TP53I13: variants seen among roughly 807,000 people sequenced by gnomAD.
The protein encoded by TP53I13 is tumor protein p53 inducible protein 13, also known as tumor protein p53-inducible protein 13.
A neutral mutation model predicts 39.1 loss-of-function variants in TP53I13; 27 were observed. The ratio of observed to expected loss-of-function variants is 0.69; its 90% CI spans 0.51 to 0.95. The LOEUF (loss-of-function observed/expected upper bound fraction) is 0.95, where lower values mean the gene tolerates loss of function less well. Among genes scored for constraint, TP53I13 ranks in the 40% least tolerant of loss-of-function variants. The pLI is 0.00. For missense variants in TP53I13, 544 were observed against 520.4 expected, an observed-to-expected ratio of 1.05 and a Z score of -0.44; for synonymous variants, 230 against 224.6, an observed-to-expected ratio of 1.02 and a Z score of -0.22.
Position 29,572,314 on chromosome 17 carries a change from G to C in TP53I13, c.686G>C (p.Ser229Thr), listed in dbSNP as rs143531588. The C allele has an allele frequency of 1.9e-6, 3 of 1,612,782 alleles. No homozygotes were observed. The African/African-American group carries it at 4.0e-5, about 21-fold the overall frequency. ...ALRFPSASPGSLKAKQSMAGI... is the reference protein window; with the variant it reads ...ALRFPSASPGTLKAKQSMAGI... The stretch of plus-strand genomic sequence containing the variant: ...AGGTTTCCCTCTGCTTCCCCAGGGA[G>C]CTTGAAGGCCAAGCAGTCCATGGCG... The change falls in exon 6 of 7, where the codon AGC becomes ACC. Residue 229 changes from serine to threonine, a missense_variant. Physicochemically the swap from Ser to Thr is moderately conservative, Grantham distance 58. Coordinates refer to ENST00000301057, the MANE Select transcript of TP53I13 (RefSeq NM_138349.4).
upstream of TP53I13, chr17:29,567,505 C>G (rs1453292502): frequency 2.6e-5 from 4 of 152,052 alleles, no homozygotes; most frequent in African/African-American, 7.2e-5. This position sits in a 1 kb window ranked among gnomAD's most constrained non-coding sequence, Gnocchi z 6.6. Flanking sequence ...TGCTCTCCCC[C>G]GCCCGGCCCC....
chr17:29,576,217 C>T (rs1283118332), downstream of TP53I13: 7 of 1,607,134 alleles, frequency 4.4e-6, no homozygotes, highest in Admixed American at 1.7e-5. Flanking sequence ...ATAGGTGACT[C>T]ACAGTGCTGT....
the TP53I13 span, chr17:29,581,657 C>A: frequency 9.8e-7 from 1 of 1,022,700 alleles, no homozygotes; most frequent in Non-Finnish European, 1.5e-6. This position sits in a 1 kb window ranked among gnomAD's most constrained non-coding sequence, Gnocchi z 4.8. Flanking sequence ...GTCACCATGG[C>A]ACCTGCTGCC....
rs2032819971 is a variant in TP53I13 at position 29,569,031 on chromosome 17, C to T, written c.86C>T (p.Pro29Leu). ...TTGGACCCACAGGTGATGGCTGGAC[C>T]GGCGGAGGAGGCGGGAGCCCATTGT... ...LLGPSEVMAG[P>L]AEEAGAHCPE... The change falls in exon 2 of 7, where the codon CCG (proline) becomes CTG (leucine). Residue 29 changes from proline (P) to leucine (L), a missense_variant. Coordinates refer to ENST00000301057, the MANE Select transcript of TP53I13 (RefSeq NM_138349.4). The T allele has an allele frequency of 2.5e-6, 4 of 1,609,192 alleles. No homozygotes were observed. Among genetic ancestry groups the T allele is most frequent in the Non-Finnish European group, 2.5e-6 (3 of 1,178,708 alleles).
downstream of TP53I13, chr17:29,577,582 CG>C: frequency 9.3e-7 from 1 of 1,076,006 alleles, no homozygotes; most frequent in East Asian, 2.4e-5. Flanking sequence ...AGCCCACTGC[CG>C]GATGAGGAGG....
At position 29,569,345 on chromosome 17, in the gene TP53I13, G is replaced by A. The variant is rs199950533; in HGVS notation, c.169G>A (p.Val57Met). The change falls in exon 3 of 7, where the codon GTG (valine) becomes ATG (methionine). Residue 57 changes from valine (V) to methionine (M), a missense_variant. Val to Met is a conservative substitution (Grantham distance 21, BLOSUM62 1). Transcript: ENST00000301057. Reference protein sequence around the residue: ...QVSPRVTYTRVSPGQAEDVTF... With the variant: ...QVSPRVTYTRMSPGQAEDVTF... Reference sequence around the variant, plus strand: ...GTCACCAAGAGTGACCTACACACGAGTGAGCCCAGGGCAGGTGAGTACAAG... The same window carrying A: ...GTCACCAAGAGTGACCTACACACGAATGAGCCCAGGGCAGGTGAGTACAAG... 193 of 1,613,856 alleles carry A rather than the reference G, an allele frequency of 1.2e-4. No individual in the cohort carries two copies. Among genetic ancestry groups the A allele is most frequent in the Non-Finnish European group, 1.6e-4 (187 of 1,179,898 alleles).
At chr17:29,566,817 C>T (rs1438732363), upstream of TP53I13, 7 of 1,515,368 alleles carry the variant, frequency 4.6e-6, no homozygotes, top group Middle Eastern at 2.0e-4. Flanking sequence ...CTCCGCCGTC[C>T]GCCTCCTCCC....
chr17:29,566,332 G>A (rs747097784), upstream of TP53I13: 15 of 1,611,308 alleles, frequency 9.3e-6, no homozygotes, highest in Non-Finnish European at 1.3e-5. Context: ...GAGGTCGGAC[G>A]GGTCCCCGAA....
the TP53I13 span, chr17:29,581,722 G>A: frequency 1.1e-5 from 17 of 1,592,980 alleles, no homozygotes; most frequent in Middle Eastern, 4.2e-4. This position sits in a 1 kb window ranked among gnomAD's most constrained non-coding sequence, Gnocchi z 4.8. Context: ...ACAGCCAGGC[G>A]CCCCCCAAGC....
At chr17:29,578,891 G>C in the TP53I13 span, 1 of 1,573,840 alleles carries the variant, frequency 6.4e-7, no homozygotes, top group Non-Finnish European at 8.7e-7. Context: ...TGGCACCCCA[G>C]ATGCTGCACA....
At chr17:29,566,621 C>A, upstream of TP53I13, 2 of 1,608,182 alleles carry the variant, frequency 1.2e-6, no homozygotes, top group Non-Finnish European at 1.7e-6. Context: ...CCAGGCGCTA[C>A]GGGCAGGACG....
At position 29,572,422 on chromosome 17, in the gene TP53I13, C is replaced by T; in HGVS notation, c.794C>T (p.Ser265Phe). The T allele has an allele frequency of 6.3e-7, 1 of 1,588,040 alleles. No homozygotes were observed. Among genetic ancestry groups the T allele is most frequent in the Non-Finnish European group, 8.6e-7 (1 of 1,163,728 alleles). The change falls in exon 6 of 7, where the codon TCC becomes TTC. Residue 265 changes from serine (S) to phenylalanine (F), a missense_variant. By Grantham distance (155) the Ser-to-Phe change is radical. Coordinates refer to ENST00000301057, the MANE Select transcript of TP53I13 (RefSeq NM_138349.4). ...GGGGCGCCTGGAGGCAATGCCAGCTCCAGGACAGAGGCTCAGGTGCCCAAC... is the reference window on the plus strand; with the variant it reads ...GGGGCGCCTGGAGGCAATGCCAGCTTCAGGACAGAGGCTCAGGTGCCCAAC... ...LPGAPGGNAS[S>F]RTEAQVPNGQ...
intron 3 of TP53I13, 33 bp downstream of exon 3, chr17:29,569,392 G>T: frequency 6.2e-7 from 1 of 1,610,312 alleles, no homozygotes; most frequent in Non-Finnish European, 8.5e-7. Flanking sequence ...CACCCTTGGT[G>T]TCCACGCCTG....
At chr17:29,581,345 C>A in the TP53I13 span, 1 of 1,612,082 alleles carries the variant, frequency 6.2e-7, no homozygotes, top group Admixed American at 1.7e-5. The surrounding 1 kb of genome is among the most constrained non-coding windows in gnomAD (Gnocchi z 4.8). Context: ...CACCTGTCAG[C>A]CATCTGTGGG....
At chr17:29,575,994 A>T, downstream of TP53I13, 1 of 1,551,082 alleles carries the variant, frequency 6.4e-7, no homozygotes, top group Non-Finnish European at 8.9e-7. This position sits in a 1 kb window ranked among gnomAD's most constrained non-coding sequence, Gnocchi z 5.5. Flanking sequence ...TAATCATCTT[A>T]AGCCCCGAAT....
At chr17:29,578,209 G>A in the TP53I13 span, 8 of 1,080,794 alleles carry the variant, frequency 7.4e-6, no homozygotes, top group African/African-American at 9.2e-5. Flanking sequence ...CCCAACCCCA[G>A]GCACCCCTTC....
chr17:29,576,661 G>A (rs568904145), downstream of TP53I13: 21 of 1,613,930 alleles, frequency 1.3e-5, no homozygotes, highest in East Asian at 2.2e-5. Flanking sequence ...AGACAAGTCC[G>A]AGGAGTCCAT....
At chr17:29,574,130 A>G (rs2033094499), downstream of TP53I13, 1 of 151,330 alleles carries the variant, frequency 6.6e-6, no homozygotes, top group African/African-American at 2.4e-5. Context: ...AGAAGAAAGA[A>G]AAAAAAAAAA....
upstream of TP53I13, chr17:29,566,969 C>G: frequency 7.3e-7 from 1 of 1,365,856 alleles, no homozygotes; most frequent in East Asian, 3.1e-5. Flanking sequence ...GGCGGCATGG[C>G]GAAGCTGGAG....
Sources: allele counts gnomAD v4.1 joint callset, GRCh38; gene constraint gnomAD v4.1.1; non-coding constraint Gnocchi (gnomAD v3.1); transcripts MANE v1.5; gene names NCBI Gene and HGNC (gene_info 2026-07-23, HGNC 2026-07-21).